Variants in NOP56 observed in about 807,000 individuals in gnomAD.
NOP56 encodes the protein nucleolar protein 56.
In NOP56, 31 loss-of-function variants were observed where a neutral mutation model predicts 58.3. That is an observed-to-expected ratio of 0.53 (90% confidence interval 0.40 to 0.72). The LOEUF is 0.72. NOP56 is among the 30% of genes least tolerant of loss of function. NOP56 has a pLI of 0.00. For synonymous variants in NOP56, 313 were observed against 282.8 expected, an observed-to-expected ratio of 1.11 and a Z score of -1.07; for missense variants, 669 against 739.9, an observed-to-expected ratio of 0.90 and a Z score of 1.11.
Position 2,654,778 on chromosome 20 carries a change from AAGG to A in NOP56, c.401_403del (p.Lys134_Gly135delinsSer). ...TCGTCTGCACTTCCACAATCTGGTGAAGGGTCTGACCGATCTGTCAGCTTGTAA... is the reference window on the plus strand; with the variant it reads ...TCGTCTGCACTTCCACAATCTGGTGAGTCTGACCGATCTGTCAGCTTGTAA... On this transcript the variant is annotated inframe_deletion, in exon 5 of 12. Transcript: ENST00000329276. 6.2e-7 allele frequency: 1 copy of A among 1,614,082 alleles called. No individual in the cohort carries two copies. Among genetic ancestry groups the A allele is most frequent in the Non-Finnish European group, 8.5e-7 (1 of 1,180,030 alleles).
rs534475812 is a variant in NOP56 at position 2,652,832 on chromosome 20, C to G, written c.4-10C>G. The G allele has an allele frequency of 2.0e-5, 32 of 1,608,674 alleles. No individual in the cohort carries two copies. The highest frequency in any genetic ancestry group is 1.3e-4 in the South Asian group (12 of 90,486). On this transcript the variant is annotated splice_polypyrimidine_tract_variant and intron_variant, in intron 1 of 11. Transcript: ENST00000329276. ...TTGCGTTGACGCTCGCGCCCCGGCT[C>G]CCGTTCCAGGTGCTGTTGCACGTGC...
At chr20:2,656,644 TTCG>T (rs2086822950) in intron 9 of NOP56, 95 bp downstream of exon 9, 2 of 1,607,222 alleles carry the variant, frequency 1.2e-6, no homozygotes, top group African/African-American at 1.3e-5. Flanking sequence ...GGCAATATTT[TTCG>T]TCAACAGCAG....
At chr20:2,656,630 T>C (rs1212292202) in intron 9 of NOP56, 81 bp downstream of exon 9, 7 of 1,607,760 alleles carry the variant, frequency 4.4e-6, no homozygotes, top group African/African-American at 1.3e-5. Flanking sequence ...GCTTCCACAA[T>C]GATGGCAATA....
Position 2,658,194 on chromosome 20 carries a change from T to G in NOP56, c.1685T>G (p.Phe562Cys). 1 of 1,608,474 alleles carries G rather than the reference T, an allele frequency of 6.2e-7. No individual in the cohort carries two copies. Among genetic ancestry groups the G allele is most frequent in the Non-Finnish European group, 8.5e-7 (1 of 1,177,308 alleles). The change falls in exon 12 of 12, where the codon TTC becomes TGC. Residue 562 changes from phenylalanine to cysteine, a missense_variant. Transcript: ENST00000329276. ...HRSGSKKKRKFSKEEPVSSGP... is the reference protein window; with the variant it reads ...HRSGSKKKRKCSKEEPVSSGP... ...AGTGGCTCCAAGAAAAAGAGGAAAT[T>G]CTCCAAAGAGGAGCCGGTCAGCAGT...
At chr20:2,657,719 T>A (rs2086845233) in intron 11 of NOP56, 2 of 599,588 alleles carry the variant, frequency 3.3e-6, no homozygotes, top group Non-Finnish European at 5.7e-6. Flanking sequence ...TTTTTTTTTT[T>A]AATGGGCTGA....
chr20:2,655,013 T>C, intron 5 of NOP56, 66 bp downstream of exon 5: 1 of 1,575,746 alleles, frequency 6.3e-7, no homozygotes, highest in Non-Finnish European at 8.7e-7. Context: ...TTTTGAGTCT[T>C]GATGAGGACT....
In NOP56 at chr20:2,658,147, C is replaced by A; in HGVS notation, c.1638C>A (p.Asp546Glu). ...CACCCAAGGAGGAAACAGTTAATGA[C>A]CCTGAGGAGGCAGGCCACAGAAGTG... ...KSTPKEETVN[D>E]PEEAGHRSGS... The change falls in exon 12 of 12, where the codon GAC becomes GAA. Residue 546 changes from aspartate (D) to glutamate (E), a missense_variant. Physicochemically the swap from Asp to Glu is conservative, Grantham distance 45. Coordinates refer to ENST00000329276, the MANE Select transcript of NOP56 (RefSeq NM_006392.4). The A allele has an allele frequency of 1.2e-6, 2 of 1,613,842 alleles. No individual in the cohort carries two copies. Among genetic ancestry groups the A allele is most frequent in the Non-Finnish European group, 1.7e-6 (2 of 1,179,882 alleles).
chr20:2,657,039 A>C, intron 10 of NOP56, 42 bp from the exon 11 acceptor site: 1 of 1,614,140 alleles, frequency 6.2e-7, no homozygotes, highest in Non-Finnish European at 8.5e-7. Flanking sequence ...TCCTCAGAGC[A>C]CCAGAAGTCT....
In NOP56 at chr20:2,656,405, C is replaced by T; in HGVS notation, c.1015C>T (p.Leu339=). ...CTCCACTGAATATTCTCTCAGAGCC[C>T]TGAAGACAAGGGGTAACACTCCAAA... ...LGAEKALFRA[L]KTRGNTPKYG... The change falls in exon 9 of 12, where the codon CTG becomes TTG. Residue 339 remains leucine (L), a synonymous_variant. Coordinates refer to ENST00000329276, the MANE Select transcript of NOP56 (RefSeq NM_006392.4). 6.2e-7 allele frequency: 1 copy of T among 1,614,128 alleles called. No homozygotes were observed. The highest frequency in any genetic ancestry group is 1.6e-4 in the Middle Eastern group (1 of 6,062).
chr20:2,657,266 T>C, intron 11 of NOP56, 48 bp downstream of exon 11: 1 of 1,612,960 alleles, frequency 6.2e-7, no homozygotes, highest in Non-Finnish European at 8.5e-7. Flanking sequence ...TGTAGGATTT[T>C]CAACAGCAGA....
At chr20:2,656,303 C>G in intron 8 of NOP56, 98 bp from the exon 9 acceptor site, 1 of 1,604,556 alleles carries the variant, frequency 6.2e-7, no homozygotes, top group Non-Finnish European at 8.5e-7. Context: ...CTGAGGCTCA[C>G]TCAGGACTTC....
In NOP56 at chr20:2,655,800, C is replaced by G. The variant is rs2086809169; in HGVS notation, c.909+54C>G. 3.7e-6 allele frequency: 6 copies of G among 1,612,898 alleles called. No homozygotes were observed. In the South Asian group the frequency reaches 6.6e-5, roughly 18 times the overall value. The stretch of plus-strand genomic sequence containing the variant: ...GAATAAGGACTGTTGCCATGTGCAC[C>G]TGCACTGCTGTATTTCGTGACCCAC... On this transcript the variant is annotated intron_variant, in intron 7 of 11. Transcript: ENST00000329276.
At position 2,655,745 on chromosome 20, in the gene NOP56, C is replaced by T. The variant is rs756525659; in HGVS notation, c.908C>T (p.Ala303Val). The change falls in exon 7 of 12, where the codon GCG (alanine) becomes GTG (valine). Residue 303 changes from alanine to valine, a missense_variant and splice_region_variant. By Grantham distance (64) the Ala-to-Val change is moderately conservative. Around this residue, in one of 3 missense-constraint regions of NOP56, gnomAD observed 339 missense variants for 430.5 expected, o/e 0.79. Transcript: ENST00000329276. ...AGCCTGTCAGCCCTAATTGGGGAAG[C>T]GGTGCGTCACAGGGGACTCAAAAAT... ...APSLSALIGE[A>V]VGARLIAHAG... The T allele has an allele frequency of 5.6e-6, 9 of 1,614,152 alleles. No homozygotes were observed. Among genetic ancestry groups the T allele is most frequent in the South Asian group, 2.2e-5 (2 of 91,086 alleles).
At chr20:2,656,361 A>T in intron 8 of NOP56, 40 bp from the exon 9 acceptor site, 3 of 1,613,112 alleles carry the variant, frequency 1.9e-6, no homozygotes, top group Non-Finnish European at 2.5e-6. Context: ...AATGGGGTTG[A>T]AATTTCTGAT....
At chr20:2,655,134 C>T (rs370535554) in intron 5 of NOP56, 187 bp downstream of exon 5, 4 of 1,045,202 alleles carry the variant, frequency 3.8e-6, no homozygotes, top group South Asian at 1.3e-5. Context: ...GTAGAGTAAA[C>T]CTACCCCATA....
Position 2,654,964 on chromosome 20 carries a change from A to T in NOP56, c.569+17A>T, listed in dbSNP as rs202180423. On this transcript the variant is annotated intron_variant, in intron 5 of 11. Coordinates refer to ENST00000329276, the MANE Select transcript of NOP56 (RefSeq NM_006392.4). ...GCGTGTCAGGTAAAGTGCAGGGGCCACCCATAATACTGGAGCCTTTGGTCT... is the reference window on the plus strand; with the variant it reads ...GCGTGTCAGGTAAAGTGCAGGGGCCTCCCATAATACTGGAGCCTTTGGTCT... The T allele has an allele frequency of 1.2e-6, 2 of 1,613,370 alleles. No individual in the cohort carries two copies. The highest frequency in any genetic ancestry group is 4.5e-5 in the East Asian group (2 of 44,868).
chr20:2,658,331 C>T lies in NOP56; in HGVS notation c.*37C>T. On this transcript the variant is annotated 3_prime_UTR_variant, in exon 12 of 12. Coordinates refer to ENST00000329276, the MANE Select transcript of NOP56 (RefSeq NM_006392.4). ...ACATTCTCTGGGAGGTGGGGCATAC[C>T]ATAGCCCAAGGTGACATTTCCCACC... 1 of 1,603,318 alleles carries T rather than the reference C, an allele frequency of 6.2e-7. No individual in the cohort carries two copies. Among genetic ancestry groups the T allele is most frequent in the Non-Finnish European group, 8.5e-7 (1 of 1,174,826 alleles).
rs779346591 is a variant in NOP56, at chr20:2,655,361, G to T, written c.606G>T (p.Lys202Asn). The T allele has an allele frequency of 1.2e-5, 20 of 1,614,138 alleles. No individual in the cohort carries two copies. Among genetic ancestry groups the T allele is most frequent in the Non-Finnish European group, 1.5e-5 (18 of 1,180,036 alleles). The change falls in exon 6 of 12, where the codon AAG becomes AAT. Residue 202 changes from lysine (K) to asparagine (N), a missense_variant. Lys to Asn is a moderately conservative substitution (Grantham distance 94). Coordinates refer to ENST00000329276, the MANE Select transcript of NOP56 (RefSeq NM_006392.4). ...GGTATCACTTTCCGGAGCTGGTGAAGATCATCAACGACAATGCCACATACT... is the reference window on the plus strand; with the variant it reads ...GGTATCACTTTCCGGAGCTGGTGAATATCATCAACGACAATGCCACATACT... ...WYGYHFPELVKIINDNATYCR... is the reference protein window; with the variant it reads ...WYGYHFPELVNIINDNATYCR...
At chr20:2,656,672 G>A (rs1366203444) in intron 9 of NOP56, 102 bp from the exon 10 acceptor site, 2 of 1,609,530 alleles carry the variant, frequency 1.2e-6, no homozygotes, top group Non-Finnish European at 8.5e-7. Flanking sequence ...CCTAGTGAGT[G>A]TTGAGACTCT....
Sources: allele counts gnomAD v4.1 joint callset, GRCh38; gene constraint gnomAD v4.1.1; regional missense constraint gnomAD v4.1.1; transcripts MANE v1.5; gene names NCBI Gene and HGNC (gene_info 2026-07-23, HGNC 2026-07-21).